CYP4F11: variants seen among roughly 807,000 people sequenced by gnomAD.
CYP4F11 encodes the protein cytochrome P450 4F11.
A neutral mutation model predicts 62.2 loss-of-function variants in CYP4F11; 79 were observed. The observed-to-expected ratio is 1.27, with a 90% CI of 1.06 to 1.53. The LOEUF (loss-of-function observed/expected upper bound fraction) is 1.53, where lower values mean the gene tolerates loss of function less well. Among genes scored for constraint, CYP4F11 ranks in the 40% most tolerant of loss-of-function variants. CYP4F11 has a pLI of 0.00. For missense variants in CYP4F11, 777 were observed against 680.5 expected (o/e 1.14, Z -1.58); for synonymous variants, 290 against 263.7 (o/e 1.10, Z -0.97).
chr19:15,922,172 G>A lies in CYP4F11; in HGVS notation c.986-6C>T, dbSNP rs764359029. Reference sequence around the variant, plus strand: ...ACTGGCTGTAGTGTCATGGCCTGAGGGGCAGCCAAGCAAAACTGGGTTTCT... The same window carrying A: ...ACTGGCTGTAGTGTCATGGCCTGAGAGGCAGCCAAGCAAAACTGGGTTTCT... On this transcript the variant is annotated splice_polypyrimidine_tract_variant and splice_region_variant and intron_variant, in intron 7 of 11. Coordinates refer to ENST00000402119, the MANE Select transcript of CYP4F11 (RefSeq NM_021187.4). 2 of 1,606,230 alleles carry A rather than the reference G, an allele frequency of 1.2e-6. No individual in the cohort carries two copies. The highest frequency in any genetic ancestry group is 1.7e-5 in the Admixed American group (1 of 58,358).
chr19:15,913,685 A>T lies in CYP4F11; in HGVS notation c.*47T>A, dbSNP rs2145033735. On this transcript the variant is annotated 3_prime_UTR_variant, in exon 12 of 12. Coordinates refer to ENST00000402119, the MANE Select transcript of CYP4F11 (RefSeq NM_021187.4). ...GAGGCTCAAGCAGAGGTGTCAGCAT[A>T]GTTTTGTTTCTGGGACTCTACAGAG... 5.1e-6 allele frequency: 8 copies of T among 1,559,592 alleles called. No homozygotes were observed. The East Asian group carries it at 1.9e-4, about 37-fold the overall frequency.
At chr19:15,924,430 T>G (rs1356206792) in intron 5 of CYP4F11, among the ~76,000 whole-genome samples, 1 of 152,234 alleles carries the variant, frequency 6.6e-6, no homozygotes, top group African/African-American at 2.4e-5. Flanking sequence ...GTCTGCTCCA[T>G]GTAGCGTCTA....
At chr19:15,920,097 T>C (rs1225329196) in intron 8 of CYP4F11, among the ~76,000 whole-genome samples, 1 of 152,206 alleles carries the variant, frequency 6.6e-6, no homozygotes, top group Non-Finnish European at 1.5e-5. Flanking sequence ...AAATAATAAG[T>C]ATATGAGGTA....
chr19:15,914,392 A>T lies in CYP4F11; in HGVS notation c.1315-5T>A, dbSNP rs1324668981. Reference sequence around the variant, plus strand: ...GAAACGGAAGGGGTCGTAGACCTGCAGGTGAGACCAAGAAGGCTTGCTGGG... The same window carrying T: ...GAAACGGAAGGGGTCGTAGACCTGCTGGTGAGACCAAGAAGGCTTGCTGGG... On this transcript the variant is annotated splice_polypyrimidine_tract_variant and splice_region_variant and intron_variant, in intron 10 of 11. Coordinates refer to ENST00000402119, the MANE Select transcript of CYP4F11 (RefSeq NM_021187.4). 2 of 1,613,088 alleles carry T rather than the reference A, an allele frequency of 1.2e-6. No homozygotes were observed. Among genetic ancestry groups the T allele is most frequent in the Admixed American group, 3.3e-5 (2 of 59,896 alleles).
intron 5 of CYP4F11, 71 bp downstream of exon 5, chr19:15,924,690 T>G (rs1312474735): frequency 6.4e-7 from 1 of 1,566,842 alleles, no homozygotes; most frequent in Non-Finnish European, 8.7e-7. Context: ...GTTACCCCGG[T>G]CAGCCATCCT....
Position 15,914,761 on chromosome 19 carries a change from C to A in CYP4F11, c.1249+1G>T. On this transcript the variant is annotated splice_donor_variant, in intron 9 of 11. Coordinates refer to ENST00000402119, the MANE Select transcript of CYP4F11 (RefSeq NM_021187.4). LOFTEE classifies it high-confidence loss of function. ...GCTCCTCCCCCTGAGGCTGTGAGCA[C>A]CTTTGGGGATGACGCGGCCGTCTGG... 1 of 1,614,172 alleles carries A rather than the reference C, an allele frequency of 6.2e-7. No homozygotes were observed. The highest frequency in any genetic ancestry group is 8.5e-7 in the Non-Finnish European group (1 of 1,180,006).
rs748511462 is a variant in CYP4F11 at position 15,934,235 on chromosome 19, G to T, written c.174C>A (p.Asn58Lys). ...CCAGGCCCTGGTGTCCCCAAAACCAGTTCTGTTTCGGGGGTTGAGGAAAAC... is the reference window on the plus strand; with the variant it reads ...CCAGGCCCTGGTGTCCCCAAAACCATTTCTGTTTCGGGGGTTGAGGAAAAC... ...LQCFPQPPKQNWFWGHQGLVT... is the reference protein window; with the variant it reads ...LQCFPQPPKQKWFWGHQGLVT... Residue 58 changes from asparagine to lysine, a missense_variant, in exon 1 of 12, where the codon AAC (asparagine) becomes AAA (lysine). Physicochemically the swap from Asn to Lys is moderately conservative, Grantham distance 94 (BLOSUM62 0). Transcript: ENST00000402119. The T allele has an allele frequency of 6.2e-7, 1 of 1,613,700 alleles. No individual in the cohort carries two copies. Among genetic ancestry groups the T allele is most frequent in the Non-Finnish European group, 8.5e-7 (1 of 1,179,744 alleles).
chr19:15,912,510 G>A lies in CYP4F11; in HGVS notation c.*1222C>T, dbSNP rs911394078. 2.0e-5 allele frequency: 3 copies of A among 151,736 alleles called. No homozygotes were observed. Among genetic ancestry groups the A allele is most frequent in the Non-Finnish European group, 2.9e-5 (2 of 67,974 alleles). 9.4% of individuals were successfully genotyped at this position (151,736 alleles called of 1,614,324 possible). A position where few individuals can be genotyped will look rare whatever the true frequency, so the allele number is the denominator to read the frequency against. On this transcript the variant is annotated 3_prime_UTR_variant, in exon 12 of 12. Coordinates refer to ENST00000402119, the MANE Select transcript of CYP4F11 (RefSeq NM_021187.4). Reference sequence around the variant, plus strand: ...TAGCAAGGGAAGGAGATCAGCTACAGAAGAGATTAGAGAAGTCAACAGGGT... The same window carrying A: ...TAGCAAGGGAAGGAGATCAGCTACAAAAGAGATTAGAGAAGTCAACAGGGT...
intron 6 of CYP4F11, 48 bp from the exon 7 acceptor site, chr19:15,922,478 T>A (rs762681796): frequency 6.3e-7 from 1 of 1,584,550 alleles, no homozygotes; most frequent in Non-Finnish European, 8.7e-7. Context: ...ACACCAGCTC[T>A]GAAGGCTCTT....
Position 15,914,861 on chromosome 19 carries a change from A to G in CYP4F11, c.1150T>C (p.Cys384Arg), listed in dbSNP as rs1203169973. 6.2e-7 allele frequency: 1 copy of G among 1,614,178 alleles called. No homozygotes were observed. Among genetic ancestry groups the G allele is most frequent in the Non-Finnish European group, 8.5e-7 (1 of 1,180,024 alleles). The change falls in exon 9 of 12, where the codon TGC (cysteine) becomes CGC (arginine). Residue 384 changes from cysteine to arginine, a missense_variant. Transcript: ENST00000402119. The stretch of plus-strand genomic sequence containing the variant: ...TGCAACCGCAGGCTCTCCTTAATGC[A>G]CATGGTCAGGAAGGGCAGCTGGGCC... Reference protein sequence around the residue: ...DLAQLPFLTMCIKESLRLHPP... With the variant: ...DLAQLPFLTMRIKESLRLHPP...
chr19:15,918,146 T>C (rs1394444649), intron 8 of CYP4F11, among the ~76,000 whole-genome samples: 3 of 152,170 alleles, frequency 2.0e-5, no homozygotes, highest in African/African-American at 7.2e-5. Context: ...GGAACATGGA[T>C]GGAGCTGGAA....
At chr19:15,923,716 C>A in intron 6 of CYP4F11, 96 bp downstream of exon 6, 1 of 1,484,938 alleles carries the variant, frequency 6.7e-7, no homozygotes, top group South Asian at 1.3e-5. Flanking sequence ...TGTTCCATGG[C>A]TCCCAGTGCC....
At chr19:15,920,271 A>T (rs2089615748) in intron 8 of CYP4F11, among the ~76,000 whole-genome samples, 1 of 152,212 alleles carries the variant, frequency 6.6e-6, no homozygotes, top group Admixed American at 6.5e-5. Flanking sequence ...AAAACAGAAG[A>T]TGGTAAAGAT....
intron 1 of CYP4F11, among the ~76,000 whole-genome samples, chr19:15,931,553 TGAGTGAGC>T (rs1568257308): frequency 0.042 from 5,129 of 120,902 alleles, 617 homozygotes; most frequent in Middle Eastern, 0.07. Flanking sequence ...GGGAGAGGAA[TGAGTGAGC>T]GAGGAGAGGA....
At chr19:15,931,563 A>G (rs371320058) in intron 1 of CYP4F11, among the ~76,000 whole-genome samples, 7,842 of 92,060 alleles carry the variant, frequency 0.085, 677 homozygotes, top group African/African-American at 0.13. Flanking sequence ...TGAGTGAGCG[A>G]GGAGAGGAAT....
chr19:15,919,232 G>C (rs1290549762), intron 8 of CYP4F11, among the ~76,000 whole-genome samples: 1 of 146,578 alleles, frequency 6.8e-6, no homozygotes, highest in Non-Finnish European at 1.5e-5. Flanking sequence ...AAATAAATAT[G>C]TTAATAAATT....
In CYP4F11 at chr19:15,914,579, G is replaced by T. The variant is rs2089567044; in HGVS notation, c.1314+23C>A. On this transcript the variant is annotated intron_variant, in intron 10 of 11. Transcript: ENST00000402119. ...GGAACCTTGGAATGGACTCCAAAAAGGGTGGGGTGAGGGAGGCACTACCTC... is the reference window on the plus strand; with the variant it reads ...GGAACCTTGGAATGGACTCCAAAAATGGTGGGGTGAGGGAGGCACTACCTC... 4 of 1,613,722 alleles carry T rather than the reference G, an allele frequency of 2.5e-6. No individual in the cohort carries two copies. In the Admixed American group the frequency reaches 5.0e-5, roughly 20 times the overall value.
intron 1 of CYP4F11, among the ~76,000 whole-genome samples, chr19:15,931,491 G>A (rs1395594978): frequency 3.3e-5 from 5 of 151,888 alleles, no homozygotes; most frequent in African/African-American, 1.2e-4. Context: ...GGAGTGGGAG[G>A]ACAGGGAGGT....
chr19:15,917,122 A>G (rs532279362), intron 8 of CYP4F11, among the ~76,000 whole-genome samples: 9 of 152,310 alleles, frequency 5.9e-5, no homozygotes, highest in East Asian at 1.9e-4. Context: ...GTCTTTTGCA[A>G]CAACTTGGAT....
Sources: allele counts gnomAD v4.1 joint callset (sites outside exome capture counted in the v4.1 genomes callset), GRCh38; gene constraint gnomAD v4.1.1; transcripts MANE v1.5; gene names NCBI Gene and HGNC (gene_info 2026-07-23, HGNC 2026-07-21).